THAP8: variants seen among roughly 807,000 people sequenced by gnomAD.
The protein encoded by THAP8 is THAP domain-containing protein 8.
In THAP8, 24 loss-of-function variants were observed where a neutral mutation model predicts 25.0. That is an observed-to-expected ratio of 0.96 (90% CI 0.69 to 1.35). The LOEUF is 1.35. Ranked by LOEUF, THAP8 falls within the 40% of genes most tolerant of loss-of-function variation. THAP8 has a pLI of 0.00. For missense variants in THAP8, 399 were observed against 368.8 expected, an observed-to-expected ratio of 1.08 and a Z score of -0.67; for synonymous variants, 169 against 157.6, an observed-to-expected ratio of 1.07 and a Z score of -0.54.
At chr19:36,047,769 G>A (rs1969925617) in intron 1 of THAP8, among the ~76,000 whole-genome samples, 1 of 151,748 alleles carries the variant, frequency 6.6e-6, no homozygotes, top group Non-Finnish European at 1.5e-5. Context: ...GGTGGAAGTT[G>A]CAGTGAGCTG....
In THAP8 at chr19:36,040,112, C is replaced by G; in HGVS notation, c.108G>C (p.Arg36=). The change falls in exon 2 of 4, where the codon CGG becomes CGC. Residue 36 remains arginine (R), a synonymous_variant. Transcript: ENST00000292894. ...CCATGTGCTGCAGCCAGGCCTGCAG[C>G]CGGGGACCATCCTTCAGTGGGAACC... ...FYKFPLKDGP[R]LQAWLQHMGC... 2 of 1,610,092 alleles carry G rather than the reference C, an allele frequency of 1.2e-6. No homozygotes were observed. The highest frequency in any genetic ancestry group is 1.7e-6 in the Non-Finnish European group (2 of 1,177,760).
intron 3 of THAP8, among the ~76,000 whole-genome samples, chr19:36,036,271 A>AATT (rs1272063246): frequency 2.5e-5 from 2 of 79,714 alleles, no homozygotes. Context: ...GAAAGACCAG[A>AATT]CTTTTTTTTT....
chr19:36,048,091 A>C (rs994722808), intron 1 of THAP8, among the ~76,000 whole-genome samples: 1 of 152,200 alleles, frequency 6.6e-6, no homozygotes, highest in Non-Finnish European at 1.5e-5. Context: ...AAATTGACCA[A>C]GAGCCACTGG....
At chr19:36,053,021 G>A (rs1970102989) in intron 1 of THAP8, among the ~76,000 whole-genome samples, 1 of 152,090 alleles carries the variant, frequency 6.6e-6, no homozygotes, top group Non-Finnish European at 1.5e-5. Context: ...CCAGGAGTTT[G>A]AGACTAGACT....
intron 1 of THAP8, among the ~76,000 whole-genome samples, chr19:36,050,653 T>C (rs1252940826): frequency 1.3e-5 from 2 of 152,196 alleles, no homozygotes; most frequent in East Asian, 3.8e-4. Flanking sequence ...TCCTCAATGT[T>C]TGATCCCTCA....
At chr19:36,049,991 T>G (rs1443815441) in intron 1 of THAP8, among the ~76,000 whole-genome samples, 1 of 149,680 alleles carries the variant, frequency 6.7e-6, no homozygotes, top group Non-Finnish European at 1.5e-5. Flanking sequence ...GAGGCAGAGG[T>G]TGCAGTGAGC....
At position 36,054,161 on chromosome 19, in the gene THAP8, T is replaced by C. The variant is rs753415745; in HGVS notation, c.57A>G (p.Ala19=). 7 of 1,613,842 alleles carry C rather than the reference T, an allele frequency of 4.3e-6. 1 individual carries two copies. The Admixed American group carries it at 5.0e-5, about 12-fold the overall frequency. ...NCSNTAGRLG[A]DNRPVSFYKF... is the part of the protein sequence containing the mutation. ...TGTAGAAGCTCACAGGGCGGTTGTC[T>C]GCACCCAGGCGGCCCGCAGTGTTGG... The change falls in exon 1 of 4, where the codon GCA becomes GCG. Residue 19 remains alanine (A), a synonymous_variant. Transcript: ENST00000292894.
chr19:36,040,908 C>T, intron 1 of THAP8, among the ~76,000 whole-genome samples: 1 of 152,206 alleles, frequency 6.6e-6, no homozygotes, highest in Non-Finnish European at 1.5e-5. Flanking sequence ...ATTTAAGAAA[C>T]ATCAGCACAA....
In THAP8 at chr19:36,035,946, C is replaced by T. The variant is rs1054471107; in HGVS notation, c.673-354G>A. Among the ~76,000 whole-genome samples the T allele has an allele frequency of 4.0e-5, 6 of 151,704 alleles. No individual in the cohort carries two copies. The South Asian group carries it at 6.3e-4, about 16-fold the overall frequency. ...CACAGGGAGGTGGGGAAACAGGTGGCGGACAGAGATGATGGGCAGAAAGAC... is the reference window on the plus strand; with the variant it reads ...CACAGGGAGGTGGGGAAACAGGTGGTGGACAGAGATGATGGGCAGAAAGAC... On this transcript the variant is annotated intron_variant, in intron 3 of 3. Transcript: ENST00000292894.
rs1157019692 is a variant in THAP8 at position 36,052,402 on chromosome 19, C to T, written c.83+1733G>A. Among the ~76,000 whole-genome samples, 3 of 152,230 alleles carry T rather than the reference C, an allele frequency of 2.0e-5. No homozygotes were observed. In the East Asian group the frequency reaches 5.8e-4, roughly 29 times the overall value. On this transcript the variant is annotated intron_variant, in intron 1 of 3. Transcript: ENST00000292894. ...TGATCTGAAGCGTTTCATCCCAAAA[C>T]CATTCCCCCAACCCTATCCCATCCG...
intron 1 of THAP8, among the ~76,000 whole-genome samples, chr19:36,049,176 A>G (rs930913546): frequency 5.3e-5 from 8 of 152,128 alleles, no homozygotes; most frequent in South Asian, 2.1e-4. Flanking sequence ...GTTATTGTTA[A>G]GCTGATTTAA....
At position 36,039,338 on chromosome 19, in the gene THAP8, C is replaced by G. The variant is rs754478540; in HGVS notation, c.657G>C (p.Arg219=). ...TGCCACTCACCAGGCGCTGCAGACCCCGGCGTGCCCGTGCCAGCAGGCTCT... is the reference window on the plus strand; with the variant it reads ...TGCCACTCACCAGGCGCTGCAGACCGCGGCGTGCCCGTGCCAGCAGGCTCT... ...HGESLLARAR[R]GLQRLTTAQT... is the part of the protein sequence containing the mutation. The change falls in exon 3 of 4, where the codon CGG becomes CGC. Residue 219 remains arginine, a synonymous_variant. Transcript: ENST00000292894. 1.6e-5 allele frequency: 24 copies of G among 1,513,498 alleles called. No homozygotes were observed. Among genetic ancestry groups the G allele is most frequent in the South Asian group, 1.5e-4 (12 of 80,884 alleles). The allele number at this position is 1,513,498 out of a possible 1,614,324, so 93.8% of individuals were successfully genotyped here. A position where few individuals can be genotyped will look rare whatever the true frequency, so the allele number is the denominator to read the frequency against.
intron 1 of THAP8, among the ~76,000 whole-genome samples, chr19:36,053,453 G>C (rs1970143929): frequency 6.6e-6 from 1 of 151,002 alleles, no homozygotes; most frequent in Non-Finnish European, 1.5e-5. Flanking sequence ...TACTTGGTAG[G>C]GTGAGGTGGG....
chr19:36,046,526 A>G (rs947494120), intron 1 of THAP8, among the ~76,000 whole-genome samples: 1 of 152,100 alleles, frequency 6.6e-6, no homozygotes. Context: ...GTAGCTGGTG[A>G]AAGAGCACAG....
In THAP8 at chr19:36,038,896, C is replaced by CT. The variant is rs140833128; in HGVS notation, c.672+426_672+427insA. ...ACCCTGTAGCTCCAGCTCAAAGGGT[C>CT]ATAGTGAGTTTTCAGCTCACTATGT... On this transcript the variant is annotated intron_variant, in intron 3 of 3. Coordinates refer to ENST00000292894, the MANE Select transcript of THAP8 (RefSeq NM_152658.3). 2.2e-4 allele frequency among the ~76,000 whole-genome samples: 33 copies of CT among 152,054 alleles called. No homozygotes were observed. The East Asian group carries it at 6.4e-3, about 29-fold the overall frequency.
upstream of THAP8, chr19:36,054,494 TG>T (rs1045744675): frequency 1.9e-5 from 11 of 575,438 alleles, no homozygotes; most frequent in Middle Eastern, 1.9e-3. Context: ...CATCACGTGT[TG>T]GGGGGAAGGG....
intron 3 of THAP8, among the ~76,000 whole-genome samples, chr19:36,038,245 T>C (rs1387515765): frequency 6.7e-6 from 1 of 150,356 alleles, no homozygotes; most frequent in Non-Finnish European, 1.5e-5. Flanking sequence ...ACACAGACCA[T>C]AGTGAGTTTT....
chr19:36,054,299 C>T (rs1970215761), upstream of THAP8: 2 of 1,485,132 alleles, frequency 1.3e-6, no homozygotes, highest in Non-Finnish European at 1.8e-6. Context: ...CCCGCCCCAC[C>T]CGCGCTCGCC....
chr19:36,044,888 C>T (rs975251642), intron 1 of THAP8, among the ~76,000 whole-genome samples: 15 of 152,060 alleles, frequency 9.9e-5, no homozygotes, highest in Non-Finnish European at 2.1e-4. Context: ...CACATCCACA[C>T]AAAAGAATAC....
Sources: gnomAD v4.1 joint callset for allele counts (sites outside exome capture counted in the v4.1 genomes callset) on GRCh38, gnomAD v4.1.1 for gene constraint, MANE v1.5 for transcripts, NCBI Gene and HGNC (gene_info 2026-07-23, HGNC 2026-07-21) for gene names.